Variants in MCOLN2 observed in about 807,000 individuals in gnomAD.
The protein encoded by MCOLN2 is mucolipin TRP cation channel 2, also known as mucolipin-2.
A neutral mutation model predicts 67.5 loss-of-function variants in MCOLN2; 57 were observed. The ratio of observed to expected loss-of-function variants is 0.84; its 90% CI spans 0.68 to 1.05. The LOEUF (loss-of-function observed/expected upper bound fraction) is 1.05, where lower values mean the gene tolerates loss of function less well. MCOLN2 is among the 50% of genes least tolerant of loss of function. MCOLN2 has a pLI of 0.00. For missense variants in MCOLN2, 620 were observed against 678.8 expected, an observed-to-expected ratio of 0.91 and a Z score of 0.96; for synonymous variants, 246 against 233.3, an observed-to-expected ratio of 1.05 and a Z score of -0.50.
At chr1:84,965,733 T>C in intron 1 of MCOLN2, 25 bp from the exon 2 acceptor site, 1 of 1,606,838 alleles carries the variant, frequency 6.2e-7, no homozygotes, top group Non-Finnish European at 8.5e-7. Flanking sequence ...TAATTTTAAA[T>C]ATCCAGGAAA....
At chr1:84,963,203 A>G (rs1236885999) in intron 2 of MCOLN2, among the ~76,000 whole-genome samples, 1 of 152,178 alleles carries the variant, frequency 6.6e-6, no homozygotes, top group Non-Finnish European at 1.5e-5. Context: ...AACCTACCTC[A>G]CAGGATTGCA....
chr1:84,931,659 G>T, intron 11 of MCOLN2, 91 bp from the exon 12 acceptor site: 1 of 1,053,362 alleles, frequency 9.5e-7, no homozygotes, highest in Non-Finnish European at 1.4e-6. Context: ...CATTGTTTTT[G>T]TCATTGTAGT....
At chr1:84,979,360 A>G (rs1387716987) in intron 1 of MCOLN2, among the ~76,000 whole-genome samples, 1 of 152,156 alleles carries the variant, frequency 6.6e-6, no homozygotes, top group Admixed American at 6.6e-5. Context: ...TCAAAACCAG[A>G]CAAAGACACA....
At chr1:84,931,637 T>C in intron 11 of MCOLN2, 69 bp from the exon 12 acceptor site, 1 of 1,315,898 alleles carries the variant, frequency 7.6e-7, no homozygotes, top group South Asian at 1.2e-5. Context: ...TCTAGTTAGC[T>C]TGTTTTGTTA....
intron 1 of MCOLN2, among the ~76,000 whole-genome samples, chr1:84,996,123 C>T (rs1377251106): frequency 6.6e-6 from 1 of 152,004 alleles, no homozygotes; most frequent in Non-Finnish European, 1.5e-5. Flanking sequence ...ATCAAATTTC[C>T]CAAAAGTTGT....
At chr1:84,987,563 TACATAG>T (rs1650647175) in intron 1 of MCOLN2, among the ~76,000 whole-genome samples, 1 of 94,256 alleles carries the variant, frequency 1.1e-5, no homozygotes, top group African/African-American at 3.9e-5. Context: ...CATCTATGTA[TACATAG>T]ATGTATACAT....
chr1:84,986,187 T>G (rs1450148505), intron 1 of MCOLN2, among the ~76,000 whole-genome samples: 1 of 152,034 alleles, frequency 6.6e-6, no homozygotes, highest in Non-Finnish European at 1.5e-5. Context: ...AACCATAAAG[T>G]GGGGAAAGGA....
At chr1:84,942,715 C>T (rs1195977534) in intron 7 of MCOLN2, among the ~76,000 whole-genome samples, 4 of 152,104 alleles carry the variant, frequency 2.6e-5, no homozygotes, top group Non-Finnish European at 5.9e-5. Context: ...GAGGGAGGGC[C>T]TTTAAAAGGT....
rs183701584 is a variant in MCOLN2, at chr1:84,967,582, T to G, written c.78-1874A>C. 2.6e-5 allele frequency among the ~76,000 whole-genome samples: 4 copies of G among 152,304 alleles called. No individual in the cohort carries two copies. In the East Asian group the frequency reaches 7.7e-4, roughly 29 times the overall value. ...TTATTGTCAGTTGTTAATAATTTACTATTTCTAAATAGATTTTTAAATCTC... is the reference window on the plus strand; with the variant it reads ...TTATTGTCAGTTGTTAATAATTTACGATTTCTAAATAGATTTTTAAATCTC... On this transcript the variant is annotated intron_variant, in intron 1 of 13. Coordinates refer to ENST00000370608, the MANE Select transcript of MCOLN2 (RefSeq NM_153259.4).
chr1:84,930,268 T>TAA, intron 12 of MCOLN2, among the ~76,000 whole-genome samples: 1 of 148,526 alleles, frequency 6.7e-6, no homozygotes, highest in African/African-American at 2.6e-5. Flanking sequence ...CTCTCTTTTT[T>TAA]TAAAAAAAAA....
intron 2 of MCOLN2, among the ~76,000 whole-genome samples, chr1:84,963,323 T>C (rs1344683817): frequency 6.6e-6 from 1 of 152,226 alleles, no homozygotes; most frequent in African/African-American, 2.4e-5. Flanking sequence ...GTCACAGTTG[T>C]ATTCCCAACA....
intron 1 of MCOLN2, among the ~76,000 whole-genome samples, chr1:84,972,831 A>G (rs951219494): frequency 6.6e-6 from 1 of 152,222 alleles, no homozygotes; most frequent in Admixed American, 6.5e-5. Context: ...ATAAACCCCT[A>G]TGAGAACAGA....
intron 11 of MCOLN2, among the ~76,000 whole-genome samples, chr1:84,932,237 C>G (rs1208221999): frequency 6.6e-6 from 1 of 152,220 alleles, no homozygotes; most frequent in East Asian, 1.9e-4. Context: ...TTGTTTGAGA[C>G]AGAGTCTTAC....
intron 1 of MCOLN2, among the ~76,000 whole-genome samples, chr1:84,967,576 A>C: frequency 6.6e-6 from 1 of 152,172 alleles, no homozygotes; most frequent in Non-Finnish European, 1.5e-5. Context: ...GTTGTTAATA[A>C]TTTACTATTT....
In MCOLN2 at chr1:84,952,302, T is replaced by C; in HGVS notation, c.688A>G (p.Ile230Val). The C allele has an allele frequency of 6.2e-7, 1 of 1,613,768 alleles. No individual in the cohort carries two copies. The highest frequency in any genetic ancestry group is 8.5e-7 in the Non-Finnish European group (1 of 1,179,800). ...CGGGAATGAATTGTCTGTAGGTCAA[T>C]GCCTTTAAGATGAAAGGAGATTTCA... ...QVEISFHLKG[I>V]DLQTIHSREL... The change falls in exon 6 of 14, where the codon ATT becomes GTT. Residue 230 changes from isoleucine to valine, a missense_variant. Coordinates refer to ENST00000370608, the MANE Select transcript of MCOLN2 (RefSeq NM_153259.4).
At position 84,996,563 on chromosome 1, in the gene MCOLN2, G is replaced by A. The variant is rs114977652; in HGVS notation, c.77+233C>T. On this transcript the variant is annotated intron_variant, in intron 1 of 13. Transcript: ENST00000370608. Reference sequence around the variant, plus strand: ...GCAGCGCCAACCGGCTGAACTGTGCGCCTTTTCATAAAGGCCGAGGAACTG... The same window carrying A: ...GCAGCGCCAACCGGCTGAACTGTGCACCTTTTCATAAAGGCCGAGGAACTG... Among the ~76,000 whole-genome samples the A allele has an allele frequency of 0.01, 1,531 of 151,830 alleles. 10 individuals are homozygous for A. Among genetic ancestry groups the A allele is most frequent in the Admixed American group, 0.012 (186 of 15,272 alleles).
intron 6 of MCOLN2, among the ~76,000 whole-genome samples, chr1:84,949,102 C>A (rs1165563136): frequency 5.9e-5 from 9 of 152,242 alleles, no homozygotes; most frequent in Non-Finnish European, 1.5e-5. Context: ...TGCACTCCAG[C>A]CTAGGCAATA....
intron 12 of MCOLN2, chr1:84,929,915 C>T: frequency 3.3e-6 from 1 of 303,896 alleles, no homozygotes; most frequent in Non-Finnish European, 6.0e-6. Context: ...CAGAGAAGAG[C>T]CAGGGAGAGG....
intron 1 of MCOLN2, among the ~76,000 whole-genome samples, chr1:84,980,736 G>A (rs568536796): frequency 6.6e-6 from 1 of 152,192 alleles, no homozygotes; most frequent in South Asian, 2.1e-4. Context: ...AAACACTGGG[G>A]AAAATCTCCA....
Sources: gnomAD v4.1 joint callset for allele counts (sites outside exome capture counted in the v4.1 genomes callset) on GRCh38, gnomAD v4.1.1 for gene constraint, MANE v1.5 for transcripts, NCBI Gene and HGNC (gene_info 2026-07-23, HGNC 2026-07-21) for gene names.